The following NOVA1 variants were observed in gnomAD, a reference collection of about 807,000 sequenced individuals.
NOVA1 encodes RNA-binding protein Nova-1.
NOVA1 carries 7 observed loss-of-function variants against 38.0 expected under a neutral mutation model. The ratio of observed to expected loss-of-function variants is 0.18; its 90% CI spans 0.10 to 0.35. The LOEUF (loss-of-function observed/expected upper bound fraction) is 0.35, where lower values mean the gene tolerates loss of function less well. NOVA1 is among the 10% of genes least tolerant of loss of function. NOVA1 has a pLI of 1.00. For missense variants in NOVA1, 460 were observed against 616.0 expected (o/e 0.75, Z 2.68); for synonymous variants, 270 against 232.5 (o/e 1.16, Z -1.47).
chr14:26,567,191 G>T (rs966185415), intron 2 of NOVA1, among the ~76,000 whole-genome samples: 1 of 150,756 alleles, frequency 6.6e-6, no homozygotes, highest in South Asian at 2.1e-4. Flanking sequence ...ATAATGTAGA[G>T]TATAATCAAA....
intron 2 of NOVA1, among the ~76,000 whole-genome samples, chr14:26,521,717 G>T (rs61986517): frequency 0.041 from 6,252 of 152,098 alleles, 187 homozygotes; most frequent in South Asian, 0.097. Context: ...AGATATGTTA[G>T]AACAGAGGTC....
chr14:26,558,161 C>T (rs1260296687), intron 2 of NOVA1, among the ~76,000 whole-genome samples: 1 of 151,720 alleles, frequency 6.6e-6, no homozygotes, highest in African/African-American at 2.4e-5. Flanking sequence ...GGGAGGTTTT[C>T]TTTTTACAAA....
At chr14:26,573,475 A>G (rs1034091724) in intron 2 of NOVA1, among the ~76,000 whole-genome samples, 3 of 152,154 alleles carry the variant, frequency 2.0e-5, no homozygotes, top group African/African-American at 7.2e-5. Context: ...AGAACTGAAC[A>G]TATTATAAAG....
intron 2 of NOVA1, among the ~76,000 whole-genome samples, chr14:26,520,000 AT>A (rs998741725): frequency 5.9e-5 from 9 of 152,174 alleles, no homozygotes; most frequent in African/African-American, 1.9e-4. Context: ...CAAACACTGA[AT>A]TAACAAATAG....
intron 2 of NOVA1, among the ~76,000 whole-genome samples, chr14:26,545,958 G>C (rs529643101): frequency 6.6e-6 from 1 of 151,748 alleles, no homozygotes. Context: ...AGTCTTTTAC[G>C]CAAACTTATA....
At chr14:26,579,059 T>C (rs1417411489) in intron 2 of NOVA1, among the ~76,000 whole-genome samples, 1 of 132,910 alleles carries the variant, frequency 7.5e-6, no homozygotes, top group African/African-American at 2.8e-5. Flanking sequence ...TATTCTTTTT[T>C]TTTTTTTTTT....
chr14:26,501,297 T>C (rs2138406790), intron 2 of NOVA1, among the ~76,000 whole-genome samples: 1 of 152,062 alleles, frequency 6.6e-6, no homozygotes, highest in East Asian at 1.9e-4. Context: ...AGTTTACTAG[T>C]ACATCAGGGG....
rs993406045 is a variant in NOVA1, at chr14:26,546,610, T to C, written c.280+48800A>G. ...TCCTATTTTCTCACCAATTTCACTA[T>C]TTCTTCAGCTGGTTCTAGTATCTCT... On this transcript the variant is annotated intron_variant, in intron 2 of 4. Transcript: ENST00000539517. Among the ~76,000 whole-genome samples, 22 of 152,348 alleles carry C rather than the reference T, an allele frequency of 1.4e-4. 1 individual carries two copies. The East Asian group carries it at 4.2e-3, about 29-fold the overall frequency.
intron 2 of NOVA1, among the ~76,000 whole-genome samples, chr14:26,586,972 C>A (rs1594586251): frequency 6.9e-6 from 1 of 145,614 alleles, no homozygotes; most frequent in Non-Finnish European, 1.5e-5. Context: ...GAGGTAAGGA[C>A]TTACTTCCTC....
intron 2 of NOVA1, among the ~76,000 whole-genome samples, chr14:26,541,848 T>C (rs1211569218): frequency 6.6e-6 from 1 of 151,968 alleles, no homozygotes; most frequent in South Asian, 2.1e-4. Context: ...TTGTTTCTTC[T>C]TATGAAAATA....
Position 26,448,266 on chromosome 14 carries a change from G to C in NOVA1, c.1217C>G (p.Ala406Gly). Residue 406 changes from alanine (A) to glycine (G), a missense_variant, in exon 5 of 5, where the codon GCT (alanine) becomes GGT (glycine). Coordinates refer to ENST00000539517, the MANE Select transcript of NOVA1 (RefSeq NM_002515.3). The surrounding 1 kb of genome is among the most constrained non-coding windows in gnomAD (Gnocchi z 5.3). ...NGYFGAASPLAASAILGTEKS... is the reference protein window; with the variant it reads ...NGYFGAASPLGASAILGTEKS... ...TTCTGTTCCTAGAATGGCACTGGCA[G>C]CTAGGGGAGAAGCAGCTCCAAAATA... The C allele has an allele frequency of 6.2e-7, 1 of 1,614,224 alleles. No homozygotes were observed. The highest frequency in any genetic ancestry group is 8.5e-7 in the Non-Finnish European group (1 of 1,180,040).
Position 26,448,127 on chromosome 14 carries a change from A to G in NOVA1, c.1356T>C (p.Gly452=). ...KTLVEYQELT[G]ARIQISKKGE... is the part of the protein sequence containing the mutation. Reference sequence around the variant, plus strand: ...CTTTTTTGGAGATCTGTATCCTTGCACCAGTCAACTCCTGGTATTCCACTA... The same window carrying G: ...CTTTTTTGGAGATCTGTATCCTTGCGCCAGTCAACTCCTGGTATTCCACTA... Residue 452 remains glycine (G), a synonymous_variant, in exon 5 of 5, where the codon GGT becomes GGC. Coordinates refer to ENST00000539517, the MANE Select transcript of NOVA1 (RefSeq NM_002515.3). The surrounding 1 kb of genome is among the most constrained non-coding windows in gnomAD (Gnocchi z 5.3). 1 of 1,614,104 alleles carries G rather than the reference A, an allele frequency of 6.2e-7. No homozygotes were observed. The highest frequency in any genetic ancestry group is 2.2e-5 in the East Asian group (1 of 44,864).
In NOVA1 at chr14:26,519,252, T is replaced by A. The variant is rs1594452319; in HGVS notation, c.281-39109A>T. On this transcript the variant is annotated intron_variant, in intron 2 of 4. Transcript: ENST00000539517. ...TAATGTATTAAGTTACACTCACAAA[T>A]GAAACAATCACAGTACAACCTGTGA... The A allele has an allele frequency of 3.3e-5, 5 of 152,226 alleles. No individual in the cohort carries two copies. The South Asian group carries it at 1.0e-3, about 32-fold the overall frequency. The allele number at this position is 152,226 out of a possible 1,614,324, so 9.4% of individuals were successfully genotyped here. A position where few individuals can be genotyped will look rare whatever the true frequency, so the allele number is the denominator to read the frequency against.
At chr14:26,462,425 A>T (rs544375896) in intron 4 of NOVA1, among the ~76,000 whole-genome samples, 8 of 152,294 alleles carry the variant, frequency 5.3e-5, no homozygotes, top group African/African-American at 1.9e-4. Flanking sequence ...TGCTCTTATC[A>T]TGTGATAGTG....
chr14:26,457,409 T>A (rs1358218920), intron 4 of NOVA1, among the ~76,000 whole-genome samples: 1 of 152,094 alleles, frequency 6.6e-6, no homozygotes, highest in Admixed American at 6.6e-5. Flanking sequence ...CAAAGTTTGG[T>A]TCAACCACAG....
chr14:26,523,521 G>T (rs1403496541), intron 2 of NOVA1, among the ~76,000 whole-genome samples: 1 of 152,126 alleles, frequency 6.6e-6, no homozygotes, highest in Non-Finnish European at 1.5e-5. Flanking sequence ...AGACATTACA[G>T]TGTCACTAAG....
chr14:26,506,125 T>A (rs910032635), intron 2 of NOVA1, among the ~76,000 whole-genome samples: 1 of 152,182 alleles, frequency 6.6e-6, no homozygotes, highest in South Asian at 2.1e-4. Context: ...ATATAGTAAT[T>A]AGAGCCTTCT....
At chr14:26,497,996 T>G (rs1416159734) in intron 2 of NOVA1, among the ~76,000 whole-genome samples, 1 of 152,224 alleles carries the variant, frequency 6.6e-6, no homozygotes, top group Non-Finnish European at 1.5e-5. Flanking sequence ...ATATTGATCA[T>G]GACTTTTTAA....
In NOVA1 at chr14:26,447,890, G is replaced by T; in HGVS notation, c.*69C>A. ...AACAGAAAAACTTCACTTCTGCAAA[G>T]TACAGTACATCCTTCTTGAAAATGG... On this transcript the variant is annotated 3_prime_UTR_variant, in exon 5 of 5. Coordinates refer to ENST00000539517, the MANE Select transcript of NOVA1 (RefSeq NM_002515.3). The T allele has an allele frequency of 7.8e-7, 1 of 1,281,478 alleles. No individual in the cohort carries two copies. The highest frequency in any genetic ancestry group is 1.1e-6 in the Non-Finnish European group (1 of 893,092). The allele number at this position is 1,281,478 out of a possible 1,614,324, so 79.4% of individuals were successfully genotyped here.
Sources: allele counts gnomAD v4.1 joint callset (sites outside exome capture counted in the v4.1 genomes callset), GRCh38; gene constraint gnomAD v4.1.1; non-coding constraint Gnocchi (gnomAD v3.1); transcripts MANE v1.5; gene names NCBI Gene and HGNC (gene_info 2026-07-23, HGNC 2026-07-21).